NGDN: variants seen among roughly 807,000 people sequenced by gnomAD.
NGDN encodes EIF4E-binding protein.
Under a neutral mutation model 45.2 loss-of-function variants are expected in NGDN, and 41 were observed. The ratio of observed to expected loss-of-function variants is 0.91; its 90% CI spans 0.71 to 1.18. The LOEUF is 1.18. Ranked by LOEUF, NGDN falls within the 50% of genes most tolerant of loss-of-function variation. NGDN has a pLI of 0.00. For synonymous variants in NGDN, 137 were observed against 130.9 expected (o/e 1.05, Z -0.32); for missense variants, 402 against 399.9 (o/e 1.01, Z -0.05).
At chr14:23,472,301 GC>G (rs1173086532) in intron 3 of NGDN, among the ~76,000 whole-genome samples, 1 of 151,414 alleles carries the variant, frequency 6.6e-6, no homozygotes, top group South Asian at 2.1e-4. Context: ...TTCGAGACCA[GC>G]CTGGTCAACA....
intron 3 of NGDN, 82 bp from the exon 4 acceptor site, chr14:23,475,089 A>T: frequency 4.9e-6 from 7 of 1,438,802 alleles, no homozygotes. Context: ...GAACTTGGAA[A>T]AACATCCCGT....
At chr14:23,471,387 T>C (rs768138643) in intron 3 of NGDN, 3 of 163,342 alleles carry the variant, frequency 1.8e-5, no homozygotes, top group Non-Finnish European at 4.0e-5. Context: ...TTCTGTGTTA[T>C]GTGTGTTGGG....
At chr14:23,477,729 C>G (rs1448404083) in intron 10 of NGDN, 169 bp downstream of exon 10, 16 of 1,461,426 alleles carry the variant, frequency 1.1e-5, no homozygotes, top group Admixed American at 2.8e-5. Flanking sequence ...AGCTGGAAAT[C>G]AGCATCATTC....
intron 3 of NGDN, among the ~76,000 whole-genome samples, chr14:23,472,182 TAAAAA>T (rs78085081): frequency 4.9e-5 from 4 of 82,096 alleles, no homozygotes; most frequent in Admixed American, 2.9e-4. Context: ...GAGACTGTCT[TAAAAA>T]AAAAAAAAAA....
At position 23,469,730 on chromosome 14, in the gene NGDN, G is replaced by A. The variant is rs1432751802; in HGVS notation, c.12+3G>A. 1 of 1,614,166 alleles carries A rather than the reference G, an allele frequency of 6.2e-7. No homozygotes were observed. The highest frequency in any genetic ancestry group is 1.1e-5 in the South Asian group (1 of 91,078). The stretch of plus-strand genomic sequence containing the variant: ...GCTTTGCGAAGATGGCGGCGCTGGT[G>A]AGTTTGGTGTGGTTTCTTCCTCGCG... On this transcript the variant is annotated splice_donor_region_variant and intron_variant, in intron 1 of 10. Transcript: ENST00000408901.
At position 23,475,653 on chromosome 14, in the gene NGDN, AGACCATCATGAAGTTGTGGG is replaced by A; in HGVS notation, c.367+20_367+39del. The A allele has an allele frequency of 6.2e-7, 1 of 1,613,996 alleles. No homozygotes were observed. Among genetic ancestry groups the A allele is most frequent in the Non-Finnish European group, 8.5e-7 (1 of 1,179,812 alleles). ...TGACAGGCAGCCTTAGTAAGTGAGGAGACCATCATGAAGTTGTGGGGACCATCAGAAAGTTCCAAATTTTG... is the reference window on the plus strand; with the variant it reads ...TGACAGGCAGCCTTAGTAAGTGAGGAGACCATCAGAAAGTTCCAAATTTTG... On this transcript the variant is annotated intron_variant, in intron 5 of 10. Transcript: ENST00000408901.
At position 23,475,558 on chromosome 14, in the gene NGDN, G is replaced by GGAAAAGCT. The variant is rs749490871; in HGVS notation, c.283_284insGAAAAGCT (p.Val95GlyfsTer15). The GGAAAAGCT allele has an allele frequency of 1.9e-6, 3 of 1,613,552 alleles. No individual in the cohort carries two copies. The African/African-American group carries it at 4.0e-5, about 22-fold the overall frequency. ...ATCCTGATTAACTACCATGTTGTAG[G>GGAAAAGCT]TTTTGGAAAAGCTTCGTCCCTTGGA... is the stretch of plus-strand genomic sequence containing the variant. On this transcript the variant is annotated frameshift_variant and splice_region_variant, in exon 5 of 11. Coordinates refer to ENST00000408901, the MANE Select transcript of NGDN (RefSeq NM_001042635.2). LOFTEE classifies it high-confidence loss of function.
At chr14:23,477,915 CT>C in intron 10 of NGDN, 91 bp from the exon 11 acceptor site, 1 of 1,612,748 alleles carries the variant, frequency 6.2e-7, no homozygotes, top group Non-Finnish European at 8.5e-7. Flanking sequence ...GACCCCACCC[CT>C]GTGAGCCCTT....
rs766723640 is a variant in NGDN, at chr14:23,470,104, G to GAGTAGT, written c.72+4_72+9dup. On this transcript the variant is annotated splice_donor_region_variant and intron_variant, in intron 2 of 10. Coordinates refer to ENST00000408901, the MANE Select transcript of NGDN (RefSeq NM_001042635.2). ...TTCTGAAAAATCTCCAGGAGCAAGT[G>GAGTAGT]AGTAGTGTCGCCTCTGGAATAAATT... The GAGTAGT allele has an allele frequency of 1.7e-5, 28 of 1,613,472 alleles. No individual in the cohort carries two copies. Among genetic ancestry groups the GAGTAGT allele is most frequent in the Admixed American group, 3.3e-5 (2 of 60,012 alleles).
intron 1 of NGDN, 42 bp downstream of exon 1, chr14:23,469,769 G>A (rs1893728871): frequency 1.2e-6 from 2 of 1,613,370 alleles, no homozygotes; most frequent in South Asian, 1.1e-5. Flanking sequence ...CTATTGTGGA[G>A]TTGTCCTTTG....
intron 10 of NGDN, 29 bp downstream of exon 10, chr14:23,477,589 C>G: frequency 6.2e-7 from 1 of 1,613,688 alleles, no homozygotes; most frequent in Non-Finnish European, 8.5e-7. Context: ...CTTAGGTGAT[C>G]AGGTGCAAGG....
At chr14:23,476,475 T>C in intron 8 of NGDN, 68 bp downstream of exon 8, 5 of 1,300,608 alleles carry the variant, frequency 3.8e-6, no homozygotes, top group Non-Finnish European at 5.2e-6. Context: ...TATACTAATG[T>C]GACTAAGTTT....
At chr14:23,476,583 G>A (rs540539511) in intron 8 of NGDN, among the ~76,000 whole-genome samples, 176 bp downstream of exon 8, 1 of 152,214 alleles carries the variant, frequency 6.6e-6, no homozygotes, top group South Asian at 2.1e-4. Context: ...TAGAAACTAG[G>A]AAAATTTTTA....
At chr14:23,470,370 C>A in intron 2 of NGDN, 1 of 445,898 alleles carries the variant, frequency 2.2e-6, no homozygotes. Flanking sequence ...ACATGACTTG[C>A]CCTTTGGGTG....
rs1893931096 is a variant in NGDN, at chr14:23,477,487, C to T, written c.871-16C>T. ...GAACCACAGTGCCATTCCATCACTT[C>T]TCCATCTGTCTCCAGGATCAGAATC... is the stretch of plus-strand genomic sequence containing the variant. On this transcript the variant is annotated splice_polypyrimidine_tract_variant and intron_variant, in intron 9 of 10. Coordinates refer to ENST00000408901, the MANE Select transcript of NGDN (RefSeq NM_001042635.2). 6.2e-7 allele frequency: 1 copy of T among 1,614,044 alleles called. No individual in the cohort carries two copies. The highest frequency in any genetic ancestry group is 1.3e-5 in the African/African-American group (1 of 74,928).
intron 8 of NGDN, 35 bp downstream of exon 8, chr14:23,476,442 T>C (rs1398417884): frequency 6.4e-7 from 1 of 1,566,288 alleles, no homozygotes; most frequent in Non-Finnish European, 8.7e-7. Flanking sequence ...ATTCCTGCAC[T>C]CTAGAGTCCT....
intron 6 of NGDN, 65 bp from the exon 7 acceptor site, chr14:23,475,964 T>G: frequency 1.2e-6 from 2 of 1,601,016 alleles, no homozygotes; most frequent in Non-Finnish European, 1.7e-6. Flanking sequence ...TACTCCAGCT[T>G]TGGGTTTTCT....
rs777804511 is a variant in NGDN at position 23,478,018 on chromosome 14, C to A, written c.940C>A (p.Arg314=). ...TCCCTTCCTTTCAGGTTTTCGGAGG[C>A]GGCGGTGATTATGGGTGTACATATT... ...KGRKKKGFRR[R]R Residue 314 remains arginine, a synonymous_variant, in exon 11 of 11, where the codon CGG becomes AGG. Transcript: ENST00000408901. The A allele has an allele frequency of 1.6e-5, 26 of 1,613,780 alleles. No individual in the cohort carries two copies. The highest frequency in any genetic ancestry group is 3.3e-4 in the Middle Eastern group (2 of 6,084).
chr14:23,470,396 CTT>C (rs1893747075), intron 2 of NGDN: 1 of 347,036 alleles, frequency 2.9e-6, no homozygotes, highest in Non-Finnish European at 5.2e-6. Context: ...GTAATACACA[CTT>C]ATATACAGAT....
Sources: allele counts gnomAD v4.1 joint callset (sites outside exome capture counted in the v4.1 genomes callset), GRCh38; gene constraint gnomAD v4.1.1; transcripts MANE v1.5; gene names NCBI Gene and HGNC (gene_info 2026-07-23, HGNC 2026-07-21).